DNAJC1: variants seen among roughly 807,000 people sequenced by gnomAD.
The protein encoded by DNAJC1 is dnaJ homolog subfamily C member 1.
Under a neutral mutation model 76.6 loss-of-function variants are expected in DNAJC1, and 58 were observed. The observed-to-expected ratio is 0.76, with a 90% CI of 0.61 to 0.94. DNAJC1 has a LOEUF of 0.94. Ranked by LOEUF, DNAJC1 falls within the 40% of genes least tolerant of loss-of-function variation. DNAJC1 has a pLI of 0.00. For missense variants in DNAJC1, 689 were observed against 677.3 expected (o/e 1.02, Z -0.19); for synonymous variants, 258 against 267.9 (o/e 0.96, Z 0.36).
chr10:21,850,745 A>T (rs1835738393), intron 8 of DNAJC1, among the ~76,000 whole-genome samples: 1 of 152,162 alleles, frequency 6.6e-6, no homozygotes. Flanking sequence ...CAAAGGCTGG[A>T]GAATTCACAC....
At chr10:21,911,845 C>T (rs1836869483) in intron 6 of DNAJC1, among the ~76,000 whole-genome samples, 1 of 152,160 alleles carries the variant, frequency 6.6e-6, no homozygotes, top group Non-Finnish European at 1.5e-5. Context: ...CAGTAAATTA[C>T]ATGGGATATT....
chr10:21,992,254 T>A (rs1217313561), intron 1 of DNAJC1, among the ~76,000 whole-genome samples: 2 of 152,250 alleles, frequency 1.3e-5, no homozygotes, highest in African/African-American at 4.8e-5. Flanking sequence ...GAGGTTGCAG[T>A]GATCTGAGAT....
At chr10:21,766,752 C>T (rs1387128288) in intron 9 of DNAJC1, among the ~76,000 whole-genome samples, 1 of 152,140 alleles carries the variant, frequency 6.6e-6, no homozygotes, top group Non-Finnish European at 1.5e-5. Context: ...GGGTGGATCA[C>T]TTGAGGTCAG....
intron 9 of DNAJC1, among the ~76,000 whole-genome samples, chr10:21,798,933 G>A (rs1205577788): frequency 1.3e-5 from 2 of 152,170 alleles, no homozygotes; most frequent in Non-Finnish European, 2.9e-5. Context: ...TAGTGATACA[G>A]CCATATCAGA....
intron 3 of DNAJC1, among the ~76,000 whole-genome samples, chr10:21,926,618 C>T (rs1220406870): frequency 6.6e-6 from 1 of 152,084 alleles, no homozygotes; most frequent in Non-Finnish European, 1.5e-5. Flanking sequence ...AGATGTCTGT[C>T]TCCTGTATGT....
At chr10:21,952,647 T>C (rs1405234932) in intron 1 of DNAJC1, among the ~76,000 whole-genome samples, 1 of 152,118 alleles carries the variant, frequency 6.6e-6, no homozygotes, top group Non-Finnish European at 1.5e-5. Flanking sequence ...TAATTCCAGT[T>C]ACTCGGTAGG....
intron 10 of DNAJC1, among the ~76,000 whole-genome samples, chr10:21,760,471 C>A (rs1168724314): frequency 6.6e-6 from 1 of 152,170 alleles, no homozygotes; most frequent in Non-Finnish European, 1.5e-5. Context: ...AGAATCACTA[C>A]TTTTCAATTA....
At chr10:21,859,356 TA>T (rs1199083050) in intron 8 of DNAJC1, among the ~76,000 whole-genome samples, 1 of 152,110 alleles carries the variant, frequency 6.6e-6, no homozygotes, top group Non-Finnish European at 1.5e-5. Flanking sequence ...AACTCCTATG[TA>T]AAATGAAGAA....
intron 1 of DNAJC1, among the ~76,000 whole-genome samples, chr10:21,979,149 A>T (rs1838110912): frequency 6.6e-6 from 1 of 151,080 alleles, no homozygotes. Context: ...AAATATGAAG[A>T]TCTTTTAAAA....
intron 8 of DNAJC1, among the ~76,000 whole-genome samples, chr10:21,834,263 CA>C (rs58380433): frequency 6.7e-6 from 1 of 148,670 alleles, no homozygotes; most frequent in East Asian, 2.0e-4. Context: ...GACTCCATCT[CA>C]AAAAAAAATA....
chr10:21,982,823 A>C (rs966079399), intron 1 of DNAJC1, among the ~76,000 whole-genome samples: 2 of 152,230 alleles, frequency 1.3e-5, no homozygotes, highest in Non-Finnish European at 2.9e-5. Flanking sequence ...GCTATGAAAA[A>C]CAATTTGGTG....
At chr10:21,961,881 A>C (rs1374059442) in intron 1 of DNAJC1, among the ~76,000 whole-genome samples, 1 of 151,944 alleles carries the variant, frequency 6.6e-6, no homozygotes, top group Non-Finnish European at 1.5e-5. Context: ...TTTTCCTCTA[A>C]CTTTCTCCAC....
intron 7 of DNAJC1, among the ~76,000 whole-genome samples, chr10:21,899,959 G>A (rs1836620576): frequency 6.6e-6 from 1 of 152,176 alleles, no homozygotes; most frequent in South Asian, 2.1e-4. Flanking sequence ...TGATTGGTGA[G>A]TGAATGTGAA....
At chr10:21,878,172 G>C (rs967261247) in intron 8 of DNAJC1, among the ~76,000 whole-genome samples, 3 of 152,092 alleles carry the variant, frequency 2.0e-5, no homozygotes, top group African/African-American at 7.2e-5. Flanking sequence ...AGGCCCAATG[G>C]TGTTATTCAA....
chr10:21,836,858 G>C (rs988279752), intron 8 of DNAJC1, among the ~76,000 whole-genome samples: 2 of 152,154 alleles, frequency 1.3e-5, no homozygotes, highest in African/African-American at 2.4e-5. Context: ...AAGAGACTTA[G>C]ACTCCCACAC....
At chr10:21,849,513 A>C (rs1211839432) in intron 8 of DNAJC1, among the ~76,000 whole-genome samples, 1 of 152,028 alleles carries the variant, frequency 6.6e-6, no homozygotes, top group East Asian at 1.9e-4. Flanking sequence ...CTGACAAGCC[A>C]ATACTGACAG....
intron 1 of DNAJC1, among the ~76,000 whole-genome samples, chr10:21,972,141 A>G (rs921916106): frequency 2.0e-4 from 30 of 152,130 alleles, no homozygotes; most frequent in African/African-American, 7.2e-4. Context: ...ATTACAAAAC[A>G]AAGACATATA....
At chr10:21,837,745 C>A (rs910996414) in intron 8 of DNAJC1, among the ~76,000 whole-genome samples, 3 of 150,298 alleles carry the variant, frequency 2.0e-5, no homozygotes, top group Non-Finnish European at 4.4e-5. Context: ...TGAGGAGCCC[C>A]TCTGCCCGGC....
intron 1 of DNAJC1, among the ~76,000 whole-genome samples, chr10:21,956,709 C>T (rs977940467): frequency 4.0e-5 from 6 of 151,534 alleles, no homozygotes; most frequent in Non-Finnish European, 8.8e-5. Context: ...TAACATATCT[C>T]CCAGCTTCAG....
Sources: gnomAD v4.1 joint callset for allele counts (sites outside exome capture counted in the v4.1 genomes callset) on GRCh38, gnomAD v4.1.1 for gene constraint, MANE v1.5 for transcripts, NCBI Gene and HGNC (gene_info 2026-07-23, HGNC 2026-07-21) for gene names.